ZDHHC20: variants seen among roughly 807,000 people sequenced by gnomAD.
The protein encoded by ZDHHC20 is zDHHC palmitoyltransferase 20.
Under a neutral mutation model 57.8 loss-of-function variants are expected in ZDHHC20, and 43 were observed. The ratio of observed to expected loss-of-function variants is 0.74; its 90% CI spans 0.58 to 0.96. The LOEUF is 0.96. Ranked by LOEUF, ZDHHC20 falls within the 40% of genes least tolerant of loss-of-function variation. The pLI is 0.00. For missense variants in ZDHHC20, 391 were observed against 441.1 expected, an observed-to-expected ratio of 0.89 and a Z score of 1.02; for synonymous variants, 157 against 153.0, an observed-to-expected ratio of 1.03 and a Z score of -0.19.
At chr13:21,401,899 T>C (rs2137798063) in intron 5 of ZDHHC20, among the ~76,000 whole-genome samples, 1 of 152,284 alleles carries the variant, frequency 6.6e-6, no homozygotes. Context: ...CAGCTGAACA[T>C]ATTCAGCTGC....
At position 21,373,336 on chromosome 13, in the gene ZDHHC20, C is replaced by A. The variant is rs773753300; in HGVS notation, c.*3360G>T. The A allele has an allele frequency of 2.0e-4, 30 of 152,024 alleles. No homozygotes were observed. The highest frequency in any genetic ancestry group is 3.2e-4 in the Non-Finnish European group (22 of 67,986). 9.4% of individuals were successfully genotyped at this position (152,024 alleles called of 1,614,324 possible). ...ATGCCTGATAATCCTTAATTTAAAC[C>A]GTCCTGTAAACATAGTCAAAATCTG... is the stretch of plus-strand genomic sequence containing the variant. On this transcript the variant is annotated 3_prime_UTR_variant, in exon 13 of 13. Coordinates refer to ENST00000400590, the MANE Select transcript of ZDHHC20 (RefSeq NM_001330059.2).
rs184204224 is a variant in ZDHHC20, at chr13:21,414,510, G to A, written c.250-738C>T. Among the ~76,000 whole-genome samples, 662 of 144,134 alleles carry A rather than the reference G, an allele frequency of 4.6e-3. 6 individuals carry two copies. The highest frequency in any genetic ancestry group is 0.016 in the African/African-American group (624 of 40,204). 94.6% of individuals were successfully genotyped at this position (144,134 alleles called of 152,430 possible). ...CGAGTAGCTGGGACTACAGGCGCAC[G>A]CCACTATGCCCGGATAATTTTTTTT... is the stretch of plus-strand genomic sequence containing the variant. On this transcript the variant is annotated intron_variant, in intron 3 of 12. Coordinates refer to ENST00000400590, the MANE Select transcript of ZDHHC20 (RefSeq NM_001330059.2).
intron 1 of ZDHHC20, among the ~76,000 whole-genome samples, chr13:21,440,068 GA>G (rs376263181): frequency 7.0e-3 from 624 of 89,632 alleles, no homozygotes; most frequent in Non-Finnish European, 8.4e-3. Flanking sequence ...CTGTTTCTCA[GA>G]AAAAAAAAAA....
At chr13:21,453,444 C>G (rs1884641861) in intron 1 of ZDHHC20, among the ~76,000 whole-genome samples, 1 of 152,184 alleles carries the variant, frequency 6.6e-6, no homozygotes, top group Non-Finnish European at 1.5e-5. Context: ...CTTGCCTTAA[C>G]TGACATTTAT....
At position 21,381,302 on chromosome 13, in the gene ZDHHC20, A is replaced by G. The variant is rs1322261010; in HGVS notation, c.1060+132T>C. The stretch of plus-strand genomic sequence containing the variant: ...ATTACAGGCGTGAGCCACCGCGCCC[A>G]GCATATATTTAAAAGTTTCACATAT... On this transcript the variant is annotated intron_variant, in intron 11 of 12. Coordinates refer to ENST00000400590, the MANE Select transcript of ZDHHC20 (RefSeq NM_001330059.2). 3.1e-5 allele frequency: 25 copies of G among 793,656 alleles called. No individual in the cohort carries two copies. The East Asian group carries it at 5.9e-4, about 19-fold the overall frequency. The allele number at this position is 793,656 out of a possible 1,614,324, so 49.2% of individuals were successfully genotyped here.
rs768826488 is a variant in ZDHHC20 at position 21,381,545 on chromosome 13, C to G, written c.949G>C (p.Gly317Arg). ...TTGATAGGAAAAGGTTGATTTGAGC[C>G]ACTACTGAAAAGAAGAGCAAACAAC... The part of the protein sequence containing the change: ...TNQNEYARSS[G>R]SNQPFPIKPL... The change falls in exon 11 of 13, where the codon GGC becomes CGC. Residue 317 changes from glycine to arginine, a missense_variant. By Grantham distance (125) the Gly-to-Arg change is moderately radical. This residue lies in a region of ZDHHC20 where 197 missense variants were observed against 220.8 expected (regional missense o/e 0.89). Coordinates refer to ENST00000400590, the MANE Select transcript of ZDHHC20 (RefSeq NM_001330059.2). 9 of 1,611,652 alleles carry G rather than the reference C, an allele frequency of 5.6e-6. No homozygotes were observed. Among genetic ancestry groups the G allele is most frequent in the Admixed American group, 1.7e-5 (1 of 59,914 alleles).
At chr13:21,381,199 G>C (rs994946572) in intron 11 of ZDHHC20, among the ~76,000 whole-genome samples, 1 of 151,982 alleles carries the variant, frequency 6.6e-6, no homozygotes, top group African/African-American at 2.4e-5. Context: ...GTAGAGACGG[G>C]GTTTCACCGT....
At chr13:21,436,353 CATT>C (rs1460239951) in intron 1 of ZDHHC20, among the ~76,000 whole-genome samples, 2 of 152,168 alleles carry the variant, frequency 1.3e-5, no homozygotes, top group African/African-American at 4.8e-5. Context: ...GCTTTGCAGA[CATT>C]ATGTTTTTTA....
chr13:21,407,578 G>C (rs1878625689), intron 4 of ZDHHC20, among the ~76,000 whole-genome samples: 1 of 152,166 alleles, frequency 6.6e-6, no homozygotes, highest in South Asian at 2.1e-4. Flanking sequence ...TAGGTTGCCT[G>C]TTCACTCTGA....
intron 2 of ZDHHC20, among the ~76,000 whole-genome samples, chr13:21,422,561 C>T (rs1880763147): frequency 1.3e-5 from 2 of 152,180 alleles, no homozygotes; most frequent in Non-Finnish European, 1.5e-5. Flanking sequence ...CTCCTTGTAT[C>T]TCACAGCTTA....
intron 1 of ZDHHC20, among the ~76,000 whole-genome samples, chr13:21,437,903 G>A (rs1882719862): frequency 6.6e-6 from 1 of 152,178 alleles, no homozygotes; most frequent in Non-Finnish European, 1.5e-5. Context: ...ATGTTAGCCA[G>A]GATGGTCTCG....
chr13:21,443,899 A>C (rs779905881), intron 1 of ZDHHC20, among the ~76,000 whole-genome samples: 1 of 152,322 alleles, frequency 6.6e-6, no homozygotes, highest in Non-Finnish European at 1.5e-5. Context: ...GTGGTGGCTC[A>C]CACCTGTAAT....
chr13:21,381,483 A>G lies in ZDHHC20; in HGVS notation c.1011T>C (p.Ser337=), dbSNP rs769874963. 1 of 1,613,890 alleles carries G rather than the reference A, an allele frequency of 6.2e-7. No homozygotes were observed. Among genetic ancestry groups the G allele is most frequent in the South Asian group, 1.1e-5 (1 of 91,072 alleles). The change falls in exon 11 of 13, where the codon AGT becomes AGC. Residue 337 remains serine (S), a synonymous_variant. Coordinates refer to ENST00000400590, the MANE Select transcript of ZDHHC20 (RefSeq NM_001330059.2). The part of the protein sequence containing the change: ...LSESKNRLLD[S]ESQWLENGAE... ...CTCCATTCTCCAGCCACTGAGATTC[A>G]CTGTCCAACAAGCGGTTTTTTGATT...
intron 1 of ZDHHC20, among the ~76,000 whole-genome samples, chr13:21,435,316 T>C: frequency 6.6e-6 from 1 of 152,224 alleles, no homozygotes; most frequent in East Asian, 1.9e-4. Context: ...ACCCATATTT[T>C]CTTCTAATGC....
chr13:21,456,127 C>T (rs369323162), intron 1 of ZDHHC20, among the ~76,000 whole-genome samples: 52 of 152,130 alleles, frequency 3.4e-4, no homozygotes, highest in Non-Finnish European at 6.0e-4. Flanking sequence ...TCCTATAGGC[C>T]GGGCACAATG....
intron 1 of ZDHHC20, among the ~76,000 whole-genome samples, chr13:21,428,819 T>C (rs1881589613): frequency 6.6e-6 from 1 of 151,968 alleles, no homozygotes; most frequent in African/African-American, 2.4e-5. Context: ...ATCACACCAC[T>C]GCACTCCAGC....
At chr13:21,449,501 G>A (rs1319137028) in intron 1 of ZDHHC20, among the ~76,000 whole-genome samples, 1 of 152,160 alleles carries the variant, frequency 6.6e-6, no homozygotes, top group African/African-American at 2.4e-5. Flanking sequence ...AGCTAAGGCA[G>A]AAGATGTCTT....
intron 3 of ZDHHC20, among the ~76,000 whole-genome samples, chr13:21,415,321 AGAT>A (rs1489126750): frequency 6.6e-6 from 1 of 152,180 alleles, no homozygotes; most frequent in Non-Finnish European, 1.5e-5. Context: ...TGCTTTTTAT[AGAT>A]AGTTACTCTA....
At chr13:21,439,815 C>T (rs1358163457) in intron 1 of ZDHHC20, among the ~76,000 whole-genome samples, 1 of 151,880 alleles carries the variant, frequency 6.6e-6, no homozygotes, top group East Asian at 1.9e-4. Flanking sequence ...GCCTGTAATA[C>T]CAGCAATATG....
Sources: gnomAD v4.1 joint callset for allele counts (sites outside exome capture counted in the v4.1 genomes callset) on GRCh38, gnomAD v4.1.1 for gene constraint, gnomAD v4.1.1 regional missense constraint, MANE v1.5 for transcripts, NCBI Gene and HGNC (gene_info 2026-07-23, HGNC 2026-07-21) for gene names.